Variants in LRRIQ1 observed in about 807,000 individuals in gnomAD.
LRRIQ1 encodes leucine rich repeats and IQ motif containing 1.
LRRIQ1 carries 210 observed loss-of-function variants against 211.9 expected under a neutral mutation model. The ratio of observed to expected loss-of-function variants is 0.99; its 90% CI spans 0.89 to 1.11. The LOEUF (loss-of-function observed/expected upper bound fraction) is 1.11, where lower values mean the gene tolerates loss of function less well. LRRIQ1 is among the 50% of genes most tolerant of loss of function. The pLI, the probability that LRRIQ1 is intolerant of heterozygous loss-of-function variation, is 0.00. For synonymous variants in LRRIQ1, 699 were observed against 650.1 expected, an observed-to-expected ratio of 1.08 and a Z score of -1.14; for missense variants, 2,136 against 1,939.5, an observed-to-expected ratio of 1.10 and a Z score of -1.90.
At chr12:85,159,730 T>C (rs992407227) in intron 23 of LRRIQ1, among the ~76,000 whole-genome samples, 21 of 148,400 alleles carry the variant, frequency 1.4e-4, no homozygotes, top group Admixed American at 4.0e-4. Context: ...TCTTTCCTCA[T>C]TGACTAATTG....
chr12:85,236,632 C>T (rs956474047), intron 26 of LRRIQ1, among the ~76,000 whole-genome samples: 3 of 151,712 alleles, frequency 2.0e-5, no homozygotes, highest in Non-Finnish European at 4.4e-5. Context: ...CTGGTACAGT[C>T]ATTCTGGAAA....
downstream of LRRIQ1, among the ~76,000 whole-genome samples, chr12:85,247,997 A>C (rs1895780872): frequency 6.6e-6 from 1 of 151,706 alleles, no homozygotes; most frequent in South Asian, 2.1e-4. Context: ...TTACATTCTC[A>C]TTCAAAAATT....
intron 18 of LRRIQ1, among the ~76,000 whole-genome samples, chr12:85,132,794 T>C (rs188750047): frequency 8.6e-5 from 13 of 151,174 alleles, no homozygotes; most frequent in Admixed American, 6.6e-4. Flanking sequence ...TAAAATAAAA[T>C]AGAAATAAAA....
intron 11 of LRRIQ1, among the ~76,000 whole-genome samples, chr12:85,089,769 C>T (rs1379709218): frequency 6.6e-6 from 1 of 152,068 alleles, no homozygotes; most frequent in African/African-American, 2.4e-5. Flanking sequence ...GGAAACAAAG[C>T]ATAAACGTTT....
chr12:85,144,576 T>C (rs981662590), intron 19 of LRRIQ1, among the ~76,000 whole-genome samples: 12 of 151,442 alleles, frequency 7.9e-5, no homozygotes, highest in African/African-American at 2.4e-4. Context: ...GGCAAGTATG[T>C]AAGGCTTGAA....
chr12:85,127,811 T>G (rs777619654), intron 17 of LRRIQ1, 21 bp from the exon 18 acceptor site: 22 of 1,599,270 alleles, frequency 1.4e-5, no homozygotes, highest in Middle Eastern at 1.7e-4. Flanking sequence ...AAGTGTGTGT[T>G]TTTTTTTCTC....
intron 24 of LRRIQ1, among the ~76,000 whole-genome samples, chr12:85,192,609 T>C (rs1251418335): frequency 9.2e-6 from 1 of 108,570 alleles, no homozygotes; most frequent in African/African-American, 4.1e-5. Context: ...GTATATATAG[T>C]TATATACTAT....
At chr12:85,149,797 A>G (rs529527949) in intron 19 of LRRIQ1, among the ~76,000 whole-genome samples, 1 of 151,880 alleles carries the variant, frequency 6.6e-6, no homozygotes, top group Admixed American at 6.6e-5. Context: ...CCTTCTCTTT[A>G]TGCTTCTAGA....
At chr12:85,253,061 T>A (rs1895994164) in intron 1 of LRRIQ1, among the ~76,000 whole-genome samples, 1 of 151,988 alleles carries the variant, frequency 6.6e-6, no homozygotes, top group Non-Finnish European at 1.5e-5. Flanking sequence ...GAAAACAATG[T>A]CTTACGTGAA....
chr12:85,235,356 G>A (rs1895128543), intron 26 of LRRIQ1, among the ~76,000 whole-genome samples: 1 of 152,128 alleles, frequency 6.6e-6, no homozygotes, highest in African/African-American at 2.4e-5. Flanking sequence ...TTTTATGTTT[G>A]AATGCAGAGA....
chr12:85,271,939 A>G, the LRRIQ1 span, among the ~76,000 whole-genome samples: 1 of 152,136 alleles, frequency 6.6e-6, no homozygotes, highest in Non-Finnish European at 1.5e-5. Flanking sequence ...ATATATATTT[A>G]AGTTTTTGGT....
chr12:85,220,668 A>G (rs2137126131), intron 24 of LRRIQ1, among the ~76,000 whole-genome samples: 1 of 148,998 alleles, frequency 6.7e-6, no homozygotes, highest in South Asian at 2.1e-4. Flanking sequence ...TTATACTTTA[A>G]GTTTTAGGGT....
chr12:85,214,825 A>G (rs1894001019), intron 24 of LRRIQ1, among the ~76,000 whole-genome samples: 1 of 152,162 alleles, frequency 6.6e-6, no homozygotes, highest in South Asian at 2.1e-4. Context: ...TGCAAAAAGT[A>G]CTAGTCATAT....
chr12:85,077,048 A>G (rs916808541), intron 11 of LRRIQ1, among the ~76,000 whole-genome samples: 4 of 152,210 alleles, frequency 2.6e-5, no homozygotes, highest in African/African-American at 9.6e-5. Context: ...TAAAATTAAA[A>G]AGTCTCAAGT....
intron 26 of LRRIQ1, among the ~76,000 whole-genome samples, chr12:85,236,797 A>G (rs1895191740): frequency 6.9e-6 from 1 of 145,206 alleles, no homozygotes; most frequent in African/African-American, 2.6e-5. Context: ...TTTGATGTAT[A>G]TATATTTCTG....
At chr12:85,194,459 T>A (rs1225801149) in intron 24 of LRRIQ1, among the ~76,000 whole-genome samples, 1 of 148,278 alleles carries the variant, frequency 6.7e-6, no homozygotes, top group Non-Finnish European at 1.5e-5. Context: ...AGAACAGAAA[T>A]TATAACAAAC....
At chr12:85,119,330 G>A (rs1887809020) in intron 15 of LRRIQ1, among the ~76,000 whole-genome samples, 1 of 151,868 alleles carries the variant, frequency 6.6e-6, no homozygotes, top group Admixed American at 6.6e-5. Context: ...CTCTTTTCAT[G>A]GCTTCCTAGT....
chr12:85,179,021 G>T (rs12823090), intron 24 of LRRIQ1, among the ~76,000 whole-genome samples: 34,510 of 151,584 alleles, frequency 0.23, 4,421 homozygotes, highest in Admixed American at 0.31. Context: ...ACAATGGAAA[G>T]ATCAAGATAG....
At chr12:85,148,515 G>GTATATGTA (rs1890035908) in intron 19 of LRRIQ1, among the ~76,000 whole-genome samples, 1 of 151,978 alleles carries the variant, frequency 6.6e-6, no homozygotes, top group Admixed American at 6.6e-5. Flanking sequence ...ATTCCGTGGT[G>GTATATGTA]TATATGTACC....
Sources: allele counts gnomAD v4.1 joint callset (sites outside exome capture counted in the v4.1 genomes callset), GRCh38; gene constraint gnomAD v4.1.1; transcripts MANE v1.5; gene names NCBI Gene and HGNC (gene_info 2026-07-23, HGNC 2026-07-21).